PBX3: variants seen among roughly 807,000 people sequenced by gnomAD.
PBX3 encodes pre-B-cell leukemia transcription factor 3.
In PBX3, 14 loss-of-function variants were observed where a neutral mutation model predicts 48.5. The ratio of observed to expected loss-of-function variants is 0.29; its 90% CI spans 0.19 to 0.45. The LOEUF (loss-of-function observed/expected upper bound fraction) is 0.45. PBX3 is among the 20% of genes least tolerant of loss of function. PBX3 has a pLI of 1.00. For missense variants in PBX3, 386 were observed against 546.7 expected, an observed-to-expected ratio of 0.71 and a Z score of 2.93; for synonymous variants, 210 against 200.3, an observed-to-expected ratio of 1.05 and a Z score of -0.41.
chr9:125,840,195 T>A (rs1358588817), intron 2 of PBX3, among the ~76,000 whole-genome samples: 1 of 152,130 alleles, frequency 6.6e-6, no homozygotes, highest in Non-Finnish European at 1.5e-5. Context: ...AGAAGATTTT[T>A]CTGTAGATGG....
intron 2 of PBX3, among the ~76,000 whole-genome samples, chr9:125,855,603 C>G (rs563198922): frequency 2.0e-5 from 3 of 152,150 alleles, no homozygotes; most frequent in East Asian, 3.9e-4. Flanking sequence ...CAAAACTATG[C>G]TTTTGCTAGG....
rs1554855766 is a variant in PBX3 at position 125,793,366 on chromosome 9, A to AT, written c.274+44743_274+44744insT. 4.2e-3 allele frequency among the ~76,000 whole-genome samples: 427 copies of AT among 101,936 alleles called. 6 individuals carry two copies. The highest frequency in any genetic ancestry group is 0.01 in the East Asian group (33 of 3,170). 66.9% of individuals were successfully genotyped at this position (101,936 alleles called of 152,430 possible). A position where few individuals can be genotyped will look rare whatever the true frequency, so the allele number is the denominator to read the frequency against. On this transcript the variant is annotated intron_variant, in intron 2 of 8. Transcript: ENST00000373489. ...GACTCCATTTGGGGGGGAAAAAAAA[A>AT]ATATATATATATATATATATATATA...
chr9:125,900,822 T>C (rs1441955652), intron 2 of PBX3, among the ~76,000 whole-genome samples: 1 of 151,758 alleles, frequency 6.6e-6, no homozygotes. Flanking sequence ...TTGTTTTCAG[T>C]GTAATACCTG....
chr9:125,780,196 C>CA (rs1837220350), intron 2 of PBX3, among the ~76,000 whole-genome samples: 1 of 130,458 alleles, frequency 7.7e-6, no homozygotes, highest in South Asian at 2.4e-4. Context: ...AGGTGCTGAT[C>CA]CCCCCACCTC....
chr9:125,781,576 AG>A (rs200833056), intron 2 of PBX3, among the ~76,000 whole-genome samples: 2,497 of 147,288 alleles, frequency 0.017, 149 homozygotes, highest in East Asian at 0.15. Context: ...GAGAGGGGAG[AG>A]GGGAGAGGCG....
chr9:125,875,147 T>C (rs1266767680), intron 2 of PBX3, among the ~76,000 whole-genome samples: 1 of 152,180 alleles, frequency 6.6e-6, no homozygotes, highest in Admixed American at 6.5e-5. Context: ...ACTCCTAGTG[T>C]ACACACATTT....
chr9:125,788,853 C>A (rs1338933061), intron 2 of PBX3, among the ~76,000 whole-genome samples: 2 of 150,648 alleles, frequency 1.3e-5, no homozygotes, highest in Admixed American at 6.6e-5. Flanking sequence ...CCAGCCTGGG[C>A]GACAGAGCGA....
At chr9:125,880,297 C>A (rs1275894296) in intron 2 of PBX3, among the ~76,000 whole-genome samples, 4 of 152,212 alleles carry the variant, frequency 2.6e-5, no homozygotes, top group African/African-American at 9.7e-5. Flanking sequence ...CCTGCCTCGG[C>A]CTCCCAAAGT....
intron 3 of PBX3, among the ~76,000 whole-genome samples, chr9:125,917,478 A>G (rs528600580): frequency 1.3e-5 from 2 of 152,164 alleles, no homozygotes; most frequent in African/African-American, 2.4e-5. Context: ...ACCCATCATT[A>G]TAGGGTCATG....
chr9:125,898,224 T>C (rs1443650711), intron 2 of PBX3, among the ~76,000 whole-genome samples: 2 of 151,632 alleles, frequency 1.3e-5, no homozygotes, highest in East Asian at 3.9e-4. Context: ...ACCAGTAAGG[T>C]TGCCATTTCT....
chr9:125,748,473 G>T, intron 1 of PBX3, 77 bp from the exon 2 acceptor site: 1 of 1,565,164 alleles, frequency 6.4e-7, no homozygotes. Flanking sequence ...TTAAATCTTG[G>T]GTCTAACTTA....
chr9:125,868,150 C>T (rs1820926456), intron 2 of PBX3, among the ~76,000 whole-genome samples: 1 of 151,798 alleles, frequency 6.6e-6, no homozygotes, highest in South Asian at 2.1e-4. Flanking sequence ...GCTGGGATTA[C>T]AGGTCTGAGC....
chr9:125,813,900 C>T (rs377253269), intron 2 of PBX3, among the ~76,000 whole-genome samples: 1 of 149,528 alleles, frequency 6.7e-6, no homozygotes, highest in Non-Finnish European at 1.5e-5. Flanking sequence ...CACGGTGGCT[C>T]ATACCTGTAA....
At chr9:125,939,997 C>T (rs1380424168) in intron 5 of PBX3, among the ~76,000 whole-genome samples, 1 of 152,116 alleles carries the variant, frequency 6.6e-6, no homozygotes, top group Non-Finnish European at 1.5e-5. Flanking sequence ...GCCTGACCAA[C>T]ATGGAGAAAC....
intron 2 of PBX3, among the ~76,000 whole-genome samples, chr9:125,891,836 A>G (rs567938846): frequency 2.0e-5 from 3 of 152,364 alleles, no homozygotes; most frequent in South Asian, 2.1e-4. Context: ...AGGGACTACT[A>G]TTATGTGCAT....
intron 2 of PBX3, among the ~76,000 whole-genome samples, chr9:125,772,310 T>A (rs1836961013): frequency 6.6e-6 from 1 of 152,210 alleles, no homozygotes; most frequent in African/African-American, 2.4e-5. Context: ...ATCGGGCTAT[T>A]AATAATTACT....
chr9:125,915,015 A>G (rs527452536), intron 2 of PBX3, among the ~76,000 whole-genome samples: 4 of 152,220 alleles, frequency 2.6e-5, no homozygotes, highest in Non-Finnish European at 5.9e-5. Flanking sequence ...TGCCATGTCA[A>G]TGGCACATTT....
intron 2 of PBX3, among the ~76,000 whole-genome samples, chr9:125,783,264 C>T (rs1837369920): frequency 1.3e-5 from 2 of 152,006 alleles, no homozygotes; most frequent in African/African-American, 2.4e-5. Flanking sequence ...ATGATATTCT[C>T]TTAGGCTCTT....
At chr9:125,868,481 G>A (rs1840041509) in intron 2 of PBX3, among the ~76,000 whole-genome samples, 1 of 152,200 alleles carries the variant, frequency 6.6e-6, no homozygotes. Context: ...CCAGCGTAGT[G>A]AAGTAAGACA....
Sources: gnomAD v4.1 joint callset for allele counts (sites outside exome capture counted in the v4.1 genomes callset) on GRCh38, gnomAD v4.1.1 for gene constraint, MANE v1.5 for transcripts, NCBI Gene and HGNC (gene_info 2026-07-23, HGNC 2026-07-21) for gene names.